Variants in PLEKHM3 observed in about 807,000 individuals in gnomAD.
PLEKHM3 encodes pleckstrin homology domain containing M3.
A neutral mutation model predicts 81.8 loss-of-function variants in PLEKHM3; 45 were observed. The observed-to-expected ratio is 0.55, with a 90% CI of 0.43 to 0.71. The LOEUF is 0.71. Among genes scored for constraint, PLEKHM3 ranks in the 30% least tolerant of loss-of-function variants. The probability of loss-of-function intolerance (pLI) is 0.00; values close to 1 mark genes in which losing one functional copy is unlikely to be tolerated. For missense variants in PLEKHM3, 788 were observed against 924.3 expected (o/e 0.85, Z 1.91); for synonymous variants, 352 against 356.4 (o/e 0.99, Z 0.14).
chr2:207,861,500 T>C (rs1194095396), intron 6 of PLEKHM3, among the ~76,000 whole-genome samples: 2 of 151,220 alleles, frequency 1.3e-5, no homozygotes, highest in African/African-American at 4.8e-5. Flanking sequence ...TCTTGCTTTG[T>C]AGTATAGTGT....
chr2:207,836,893 A>C (rs934905462), intron 7 of PLEKHM3, among the ~76,000 whole-genome samples: 1 of 152,252 alleles, frequency 6.6e-6, no homozygotes, highest in African/African-American at 2.4e-5. Flanking sequence ...CCTGCAGAGC[A>C]GGGCAGAGCC....
At chr2:207,941,832 CACAT>C (rs1689948375) in intron 4 of PLEKHM3, among the ~76,000 whole-genome samples, 1 of 152,150 alleles carries the variant, frequency 6.6e-6, no homozygotes, top group Non-Finnish European at 1.5e-5. Context: ...TCTCAATAAA[CACAT>C]ACAAATAGCC....
At chr2:207,894,896 T>C (rs1688173064) in intron 6 of PLEKHM3, among the ~76,000 whole-genome samples, 1 of 152,150 alleles carries the variant, frequency 6.6e-6, no homozygotes, top group African/African-American at 2.4e-5. Context: ...ATCTCATTGG[T>C]GAAATGTGGA....
intron 1 of PLEKHM3, among the ~76,000 whole-genome samples, chr2:208,012,645 T>A (rs1692741862): frequency 6.6e-6 from 1 of 152,212 alleles, no homozygotes; most frequent in Admixed American, 6.5e-5. Flanking sequence ...CATAAATTTA[T>A]GACACCAGGA....
chr2:207,874,669 G>A (rs2092551994), intron 6 of PLEKHM3, among the ~76,000 whole-genome samples: 2 of 150,590 alleles, frequency 1.3e-5, no homozygotes, highest in Admixed American at 6.6e-5. Context: ...TTGGCTCACC[G>A]CAACCTCTGC....
chr2:207,900,023 C>A (rs1688365495), intron 6 of PLEKHM3: 1 of 152,118 alleles, frequency 6.6e-6, no homozygotes, highest in Non-Finnish European at 1.5e-5. Flanking sequence ...TGAAAAAAAA[C>A]CAACGAACAA....
chr2:207,982,149 C>T lies in PLEKHM3; in HGVS notation c.611-4563G>A, dbSNP rs111678608. 5.9e-5 allele frequency among the ~76,000 whole-genome samples: 9 copies of T among 152,276 alleles called. 1 individual carries two copies. Among genetic ancestry groups the T allele is most frequent in the African/African-American group, 2.2e-4 (9 of 41,570 alleles). ...ACTTATTTTATGGAGATGGCTATGG[C>T]CACCATGGTGCACCTGTCAGCCTGT... On this transcript the variant is annotated intron_variant, in intron 2 of 7. Transcript: ENST00000427836.
intron 7 of PLEKHM3, among the ~76,000 whole-genome samples, chr2:207,858,580 A>T (rs548605258): frequency 1.3e-5 from 2 of 151,690 alleles, no homozygotes; most frequent in Non-Finnish European, 2.9e-5. Flanking sequence ...TTCCGGGTTC[A>T]AGCGATTCCT....
At chr2:207,832,655 G>A (rs1317134478) in intron 7 of PLEKHM3, among the ~76,000 whole-genome samples, 2 of 151,920 alleles carry the variant, frequency 1.3e-5, no homozygotes, top group African/African-American at 4.8e-5. Context: ...AGCTGGGTGT[G>A]GTGGTGTGTG....
intron 7 of PLEKHM3, among the ~76,000 whole-genome samples, chr2:207,838,064 G>T (rs1251530733): frequency 1.3e-5 from 2 of 151,990 alleles, no homozygotes; most frequent in African/African-American, 4.8e-5. Context: ...GAGCCACCGC[G>T]CCCGGCCTCG....
intron 5 of PLEKHM3, among the ~76,000 whole-genome samples, chr2:207,925,134 T>TTTTG (rs1689346486): frequency 7.2e-6 from 1 of 139,150 alleles, no homozygotes. Context: ...ACAGGGTTGT[T>TTTTG]TTTTTGTTTT....
At chr2:207,867,786 A>G (rs989666416) in intron 6 of PLEKHM3, among the ~76,000 whole-genome samples, 9 of 151,830 alleles carry the variant, frequency 5.9e-5, no homozygotes, top group Non-Finnish European at 7.4e-5. Flanking sequence ...CTTTCCTCCC[A>G]CCATCCCAAG....
chr2:207,948,790 G>A (rs978712091), intron 3 of PLEKHM3, among the ~76,000 whole-genome samples: 3 of 152,100 alleles, frequency 2.0e-5, no homozygotes, highest in African/African-American at 4.8e-5. Flanking sequence ...TGATCCGCCC[G>A]CCTCGGCCTC....
intron 3 of PLEKHM3, among the ~76,000 whole-genome samples, chr2:207,964,263 G>A (rs981224504): frequency 6.6e-5 from 10 of 151,822 alleles, no homozygotes; most frequent in Admixed American, 2.0e-4. Flanking sequence ...CTCAAACTTC[G>A]TATGCACTCA....
intron 6 of PLEKHM3, among the ~76,000 whole-genome samples, chr2:207,866,229 C>T (rs2092500087): frequency 6.6e-6 from 1 of 152,102 alleles, no homozygotes; most frequent in Non-Finnish European, 1.5e-5. Context: ...GATCTAGGCT[C>T]ACTGCAACCT....
chr2:207,957,449 A>G (rs1441251543), intron 3 of PLEKHM3, among the ~76,000 whole-genome samples: 1 of 152,258 alleles, frequency 6.6e-6, no homozygotes, highest in Non-Finnish European at 1.5e-5. Context: ...CTGTAATCCC[A>G]GCACTTTGGG....
chr2:207,921,331 G>A (rs1689175446), intron 5 of PLEKHM3, among the ~76,000 whole-genome samples: 1 of 152,170 alleles, frequency 6.6e-6, no homozygotes, highest in Non-Finnish European at 1.5e-5. Context: ...ACAGGCGTGA[G>A]CCACTGCACC....
At chr2:208,022,359 G>C (rs1693158279) in intron 1 of PLEKHM3, among the ~76,000 whole-genome samples, 1 of 152,192 alleles carries the variant, frequency 6.6e-6, no homozygotes, top group Non-Finnish European at 1.5e-5. Context: ...CAGTTCTGAA[G>C]GTCAGAAGAC....
chr2:207,986,763 C>T (rs1238416695), intron 2 of PLEKHM3, among the ~76,000 whole-genome samples: 5 of 151,774 alleles, frequency 3.3e-5, no homozygotes, highest in African/African-American at 1.2e-4. Context: ...ATCAACCTCC[C>T]AGGCTCAAGG....
Sources: gnomAD v4.1 joint callset for allele counts (sites outside exome capture counted in the v4.1 genomes callset) on GRCh38, gnomAD v4.1.1 for gene constraint, MANE v1.5 for transcripts, NCBI Gene and HGNC (gene_info 2026-07-23, HGNC 2026-07-21) for gene names.